The following SCFD2 variants were observed in gnomAD, a reference collection of about 807,000 sequenced individuals.
SCFD2 encodes the protein sec1 family domain-containing protein 2.
SCFD2 carries 54 observed loss-of-function variants against 58.9 expected under a neutral mutation model. The ratio of observed to expected loss-of-function variants is 0.92; its 90% CI spans 0.74 to 1.15. The LOEUF (loss-of-function observed/expected upper bound fraction) is 1.15, where lower values mean the gene tolerates loss of function less well. Ranked by LOEUF, SCFD2 falls within the 50% of genes most tolerant of loss-of-function variation. SCFD2 has a pLI of 0.00. For missense variants in SCFD2, 805 were observed against 836.6 expected (o/e 0.96, Z 0.47); for synonymous variants, 321 against 335.9 (o/e 0.96, Z 0.49).
intron 5 of SCFD2, among the ~76,000 whole-genome samples, chr4:53,027,333 T>A (rs1722501681): frequency 6.6e-6 from 1 of 152,128 alleles, no homozygotes; most frequent in Non-Finnish European, 1.5e-5. Flanking sequence ...TGCGCAGTGA[T>A]GTAGGTAAAG....
chr4:52,960,899 T>C (rs544599411), intron 5 of SCFD2, among the ~76,000 whole-genome samples: 2 of 152,268 alleles, frequency 1.3e-5, no homozygotes, highest in African/African-American at 4.8e-5. Context: ...AGCGCCTAAT[T>C]TTAGAGACTA....
intron 4 of SCFD2, among the ~76,000 whole-genome samples, chr4:53,250,238 CAAG>C (rs1560411251): frequency 6.6e-6 from 1 of 152,144 alleles, no homozygotes; most frequent in Non-Finnish European, 1.5e-5. Flanking sequence ...ATCAATGCAA[CAAG>C]AAGAACTAAC....
chr4:53,239,922 A>G (rs1729842405), intron 4 of SCFD2, among the ~76,000 whole-genome samples: 1 of 152,212 alleles, frequency 6.6e-6, no homozygotes, highest in Non-Finnish European at 1.5e-5. Context: ...GGTCATTCCC[A>G]AAGCATCCCT....
At chr4:52,899,281 C>T (rs4495105) in intron 7 of SCFD2, among the ~76,000 whole-genome samples, 7,329 of 152,254 alleles carry the variant, frequency 0.048, 209 homozygotes, top group South Asian at 0.13. Context: ...TTTGCAGTGG[C>T]TGGTACCGGT....
chr4:52,886,780 C>T (rs1718751372), intron 7 of SCFD2, among the ~76,000 whole-genome samples: 1 of 152,230 alleles, frequency 6.6e-6, no homozygotes, highest in African/African-American at 2.4e-5. Context: ...AAATGTATAA[C>T]ACAGTACCTT....
intron 4 of SCFD2, among the ~76,000 whole-genome samples, chr4:53,203,054 C>G (rs1185306265): frequency 6.6e-6 from 1 of 152,158 alleles, no homozygotes; most frequent in African/African-American, 2.4e-5. Flanking sequence ...CCAGAACTTC[C>G]AACACTACGT....
chr4:52,968,462 C>T (rs1263022104), intron 5 of SCFD2, among the ~76,000 whole-genome samples: 2 of 152,098 alleles, frequency 1.3e-5, no homozygotes, highest in Admixed American at 6.5e-5. Flanking sequence ...AATCTGTGGC[C>T]GTGGGGCAAA....
chr4:52,967,531 C>T (rs1303213384), intron 5 of SCFD2, among the ~76,000 whole-genome samples: 1 of 152,194 alleles, frequency 6.6e-6, no homozygotes, highest in Non-Finnish European at 1.5e-5. Context: ...ATACAGTAAA[C>T]AAATGGCAGT....
At chr4:53,177,160 T>C (rs1727363507) in intron 4 of SCFD2, among the ~76,000 whole-genome samples, 1 of 152,210 alleles carries the variant, frequency 6.6e-6, no homozygotes, top group Non-Finnish European at 1.5e-5. Flanking sequence ...ATAGAAGAGA[T>C]ACATTGGTGA....
At chr4:53,201,097 A>G (rs1392370665) in intron 4 of SCFD2, among the ~76,000 whole-genome samples, 1 of 152,038 alleles carries the variant, frequency 6.6e-6, no homozygotes, top group Non-Finnish European at 1.5e-5. Context: ...ATATGTATAC[A>G]TGTGCCATGT....
At chr4:53,081,959 T>C (rs1724160223) in intron 5 of SCFD2, among the ~76,000 whole-genome samples, 1 of 152,230 alleles carries the variant, frequency 6.6e-6, no homozygotes, top group African/African-American at 2.4e-5. Context: ...ATACAATAAG[T>C]GGCCTTTTAT....
intron 2 of SCFD2, among the ~76,000 whole-genome samples, chr4:53,332,988 C>A (rs1348854395): frequency 1.3e-5 from 2 of 150,818 alleles, no homozygotes; most frequent in African/African-American, 4.9e-5. Context: ...TGAGTGAACT[C>A]CCATTCACAA....
chr4:52,890,655 G>A (rs760824461), intron 7 of SCFD2, among the ~76,000 whole-genome samples: 5 of 152,190 alleles, frequency 3.3e-5, no homozygotes, highest in South Asian at 2.1e-4. Flanking sequence ...AAGCAAGTCC[G>A]AGTCACTGTT....
chr4:53,166,209 A>G (rs954386717), intron 4 of SCFD2, among the ~76,000 whole-genome samples: 3 of 152,244 alleles, frequency 2.0e-5, no homozygotes, highest in Non-Finnish European at 4.4e-5. Context: ...CTTTTCAGAT[A>G]TCGTGAATAA....
chr4:52,979,641 A>T (rs1721331189), intron 5 of SCFD2, among the ~76,000 whole-genome samples: 2 of 152,176 alleles, frequency 1.3e-5, no homozygotes, highest in African/African-American at 2.4e-5. Context: ...GTTTGAGTTA[A>T]TTGGGATTAA....
In SCFD2 at chr4:52,935,772, C is replaced by G. The variant is rs142545210; in HGVS notation, c.1562-14902G>C. On this transcript the variant is annotated intron_variant, in intron 5 of 8. Coordinates refer to ENST00000401642, the MANE Select transcript of SCFD2 (RefSeq NM_152540.4). ...GACTTTGGGGTAGGTTTTCATAGAC[C>G]TGCCCAATGCAAAACAAATTCCACT... Among the ~76,000 whole-genome samples the G allele has an allele frequency of 4.1e-4, 62 of 152,300 alleles. No homozygotes were observed. The East Asian group carries it at 8.7e-3, about 21-fold the overall frequency.
chr4:52,890,837 A>G (rs976533275), intron 7 of SCFD2, among the ~76,000 whole-genome samples: 19 of 152,096 alleles, frequency 1.2e-4, no homozygotes, highest in African/African-American at 3.9e-4. Flanking sequence ...ATTGTCGTCT[A>G]TCACTGGGGT....
At chr4:52,892,367 T>A (rs1718898571) in intron 7 of SCFD2, among the ~76,000 whole-genome samples, 1 of 152,216 alleles carries the variant, frequency 6.6e-6, no homozygotes, top group Admixed American at 6.5e-5. Context: ...TCTTGTGCAC[T>A]GCTGCCAGGG....
intron 3 of SCFD2, among the ~76,000 whole-genome samples, chr4:53,307,168 A>G (rs1732541535): frequency 6.6e-6 from 1 of 152,236 alleles, no homozygotes; most frequent in Non-Finnish European, 1.5e-5. Flanking sequence ...CAACCAAATG[A>G]AAGTATTTCA....
Sources: gnomAD v4.1 joint callset for allele counts (sites outside exome capture counted in the v4.1 genomes callset) on GRCh38, gnomAD v4.1.1 for gene constraint, MANE v1.5 for transcripts, NCBI Gene and HGNC (gene_info 2026-07-23, HGNC 2026-07-21) for gene names.